The following DOCK2 variants were observed in gnomAD, a reference collection of about 807,000 sequenced individuals.
The protein encoded by DOCK2 is dedicator of cytokinesis protein 2.
In DOCK2, 87 loss-of-function variants were observed where a neutral mutation model predicts 248.9. That is an observed-to-expected ratio of 0.35 (90% CI 0.29 to 0.42). DOCK2 has a LOEUF of 0.42. Ranked by LOEUF, DOCK2 falls within the 10% of genes least tolerant of loss-of-function variation. The pLI, the probability that DOCK2 is intolerant of heterozygous loss-of-function variation, is 1.00. For synonymous variants in DOCK2, 805 were observed against 821.6 expected (o/e 0.98, Z 0.35); for missense variants, 1,747 against 2,300.2 (o/e 0.76, Z 4.92).
chr5:170,029,883 A>G lies in DOCK2; in HGVS notation c.3467+1935A>G, dbSNP rs367694330. Among the ~76,000 whole-genome samples the G allele has an allele frequency of 3.0e-3, 452 of 152,320 alleles. 9 individuals carry two copies. The South Asian group carries it at 0.053, about 18-fold the overall frequency. On this transcript the variant is annotated intron_variant, in intron 34 of 51. Coordinates refer to ENST00000520908, the MANE Select transcript of DOCK2 (RefSeq NM_004946.3). ...AAGCAGGCAGAGCCCAGAGGACAGG[A>G]TGGCGCCCCAGGCAGTGCCATCTCA...
intron 27 of DOCK2, among the ~76,000 whole-genome samples, chr5:169,960,679 G>A (rs1467625448): frequency 6.6e-6 from 1 of 152,144 alleles, no homozygotes; most frequent in Admixed American, 6.5e-5. Context: ...TCTCTATATT[G>A]TTGTCCCCTC....
At chr5:169,902,185 CAGTT>C (rs1338100736) in intron 27 of DOCK2, among the ~76,000 whole-genome samples, 1 of 152,168 alleles carries the variant, frequency 6.6e-6, no homozygotes, top group Non-Finnish European at 1.5e-5. Context: ...GGGGAATAAC[CAGTT>C]AGTCTAGTCG....
chr5:170,027,787 T>C, intron 33 of DOCK2, 76 bp from the exon 34 acceptor site: 2 of 1,402,248 alleles, frequency 1.4e-6, no homozygotes, highest in East Asian at 2.3e-5. Flanking sequence ...AAAGCTTTGG[T>C]TGAAATAATG....
chr5:169,640,872 C>T (rs1561897687), intron 1 of DOCK2, among the ~76,000 whole-genome samples: 1 of 152,190 alleles, frequency 6.6e-6, no homozygotes. Context: ...ATGGAAGTGG[C>T]ATATTTTGAT....
intron 46 of DOCK2, among the ~76,000 whole-genome samples, chr5:170,073,697 G>A (rs2113872975): frequency 6.6e-6 from 1 of 151,986 alleles, no homozygotes; most frequent in East Asian, 1.9e-4. Flanking sequence ...AAATTCTATT[G>A]TAAATGGTAT....
intron 2 of DOCK2, among the ~76,000 whole-genome samples, chr5:169,663,870 G>A (rs1758581443): frequency 6.6e-6 from 1 of 152,180 alleles, no homozygotes; most frequent in Admixed American, 6.5e-5. Context: ...CTACTATCTT[G>A]GCTGTTAACA....
chr5:169,771,413 A>G (rs1490889382), intron 25 of DOCK2, among the ~76,000 whole-genome samples: 1 of 152,082 alleles, frequency 6.6e-6, no homozygotes, highest in East Asian at 1.9e-4. Flanking sequence ...TTTCCTGAGT[A>G]GCTGGGATTA....
rs559504448 is a variant in DOCK2, at chr5:169,834,012, A to G, written c.2704-6745A>G. ...AGGTCACCCTGCAGTAAGCTCACAG[A>G]CCACAAGCCCTACTCACATGCTCAG... is the stretch of plus-strand genomic sequence containing the variant. On this transcript the variant is annotated intron_variant, in intron 26 of 51. Coordinates refer to ENST00000520908, the MANE Select transcript of DOCK2 (RefSeq NM_004946.3). Among the ~76,000 whole-genome samples, 235 of 142,664 alleles carry G rather than the reference A, an allele frequency of 1.6e-3. 1 individual carries two copies. Among genetic ancestry groups the G allele is most frequent in the African/African-American group, 5.7e-3 (221 of 38,572 alleles). 93.6% of individuals were successfully genotyped at this position (142,664 alleles called of 152,430 possible).
At chr5:170,008,221 AC>A (rs368222301) in intron 30 of DOCK2, among the ~76,000 whole-genome samples, 706 of 39,610 alleles carry the variant, frequency 0.018, 8 homozygotes, top group African/African-American at 0.071. Context: ...AACAACAACA[AC>A]AACAAAAAAA....
chr5:169,851,273 A>G (rs2113372759), intron 27 of DOCK2, among the ~76,000 whole-genome samples: 1 of 152,396 alleles, frequency 6.6e-6, no homozygotes, highest in Middle Eastern at 3.4e-3. Flanking sequence ...TTTTTAAAAT[A>G]TAAAATTCCC....
intron 22 of DOCK2, among the ~76,000 whole-genome samples, chr5:169,729,579 C>T (rs1561643440): frequency 6.6e-6 from 1 of 152,156 alleles, no homozygotes; most frequent in Admixed American, 6.5e-5. Context: ...TTGAGTCTTA[C>T]TATTTGGCCA....
chr5:169,699,976 C>T (rs764232057), intron 12 of DOCK2, 38 bp from the exon 13 acceptor site: 41 of 1,610,880 alleles, frequency 2.5e-5, no homozygotes, highest in Non-Finnish European at 3.3e-5. Context: ...GGGTCACTTG[C>T]AAAAGTGGGC....
At position 169,821,053 on chromosome 5, in the gene DOCK2, C is replaced by T. The variant is rs184593058; in HGVS notation, c.2703+17847C>T. 9.9e-5 allele frequency among the ~76,000 whole-genome samples: 15 copies of T among 152,142 alleles called. No individual in the cohort carries two copies. In the East Asian group the frequency reaches 2.9e-3, roughly 29 times the overall value. On this transcript the variant is annotated intron_variant, in intron 26 of 51. Coordinates refer to ENST00000520908, the MANE Select transcript of DOCK2 (RefSeq NM_004946.3). ...GATCAAATGAATGAAATGAAGCGAG[C>T]AGAGAAGTTTAGAGAAAAAAGAATA...
chr5:169,717,113 A>C (rs1761952082), intron 20 of DOCK2, among the ~76,000 whole-genome samples: 1 of 151,820 alleles, frequency 6.6e-6, no homozygotes, highest in Admixed American at 6.5e-5. Flanking sequence ...AGATTCTAAA[A>C]AGTTTTGCAA....
At chr5:169,994,701 C>T (rs1778292364) in intron 29 of DOCK2, among the ~76,000 whole-genome samples, 1 of 152,210 alleles carries the variant, frequency 6.6e-6, no homozygotes, top group South Asian at 2.1e-4. Flanking sequence ...TTGGGAAATA[C>T]CAGAAACACA....
intron 12 of DOCK2, among the ~76,000 whole-genome samples, 159 bp from the exon 13 acceptor site, chr5:169,699,855 G>A (rs905951650): frequency 3.9e-5 from 6 of 152,176 alleles, no homozygotes; most frequent in African/African-American, 7.2e-5. Flanking sequence ...CCCAGAGATC[G>A]CCTGTTCCAG....
intron 26 of DOCK2, among the ~76,000 whole-genome samples, chr5:169,806,290 C>G (rs546352624): frequency 3.7e-5 from 5 of 133,864 alleles, no homozygotes; most frequent in Non-Finnish European, 6.4e-5. Flanking sequence ...TAGGTACCAG[C>G]CACCACACTT....
chr5:169,850,973 C>T (rs1017619835), intron 27 of DOCK2, among the ~76,000 whole-genome samples: 2 of 152,176 alleles, frequency 1.3e-5, no homozygotes, highest in Admixed American at 6.5e-5. Flanking sequence ...TCCGGTTGTT[C>T]GTTGTCCTTG....
chr5:169,872,555 C>T (rs1772049240), intron 27 of DOCK2, among the ~76,000 whole-genome samples: 1 of 152,210 alleles, frequency 6.6e-6, no homozygotes, highest in African/African-American at 2.4e-5. Context: ...CACAGGTTCT[C>T]TTCTTGGCAT....
Sources: allele counts gnomAD v4.1 joint callset (sites outside exome capture counted in the v4.1 genomes callset), GRCh38; gene constraint gnomAD v4.1.1; transcripts MANE v1.5; gene names NCBI Gene and HGNC (gene_info 2026-07-23, HGNC 2026-07-21).